Variants in C1QTNF3 observed in about 807,000 individuals in gnomAD.
C1QTNF3 encodes the protein complement C1q tumor necrosis factor-related protein 3.
Under a neutral mutation model 32.6 loss-of-function variants are expected in C1QTNF3, and 26 were observed. That is an observed-to-expected ratio of 0.80 (90% confidence interval 0.58 to 1.11). The LOEUF is 1.11. Ranked by LOEUF, C1QTNF3 falls within the 50% of genes least tolerant of loss-of-function variation. The pLI is 0.00. For missense variants in C1QTNF3, 362 were observed against 398.2 expected, an observed-to-expected ratio of 0.91 and a Z score of 0.77; for synonymous variants, 155 against 146.0, an observed-to-expected ratio of 1.06 and a Z score of -0.44.
At chr5:34,168,929 C>T in the C1QTNF3 span, 1 of 152,104 alleles carries the variant, frequency 6.6e-6, no homozygotes, top group Non-Finnish European at 1.5e-5. Context: ...AGGTGAAATC[C>T]TTTGGGAAAT....
At chr5:34,024,077 G>A (rs1164610893) in intron 4 of C1QTNF3, 69 bp from the exon 5 acceptor site, 2 of 1,210,060 alleles carry the variant, frequency 1.7e-6, no homozygotes, top group African/African-American at 3.0e-5. Context: ...GAGATACCTG[G>A]AGATTTGCCA....
the C1QTNF3 span, among the ~76,000 whole-genome samples, chr5:34,083,861 G>A: frequency 1.3e-5 from 2 of 151,750 alleles, no homozygotes; most frequent in Non-Finnish European, 2.9e-5. Flanking sequence ...TACAGATGAA[G>A]TCATTATATT....
the C1QTNF3 span, among the ~76,000 whole-genome samples, chr5:34,050,216 G>C: frequency 6.6e-6 from 1 of 152,128 alleles, no homozygotes; most frequent in Admixed American, 6.5e-5. Flanking sequence ...GCCTTCTTTA[G>C]GGTTCCATAG....
At chr5:34,082,774 G>A in the C1QTNF3 span, among the ~76,000 whole-genome samples, 2 of 151,622 alleles carry the variant, frequency 1.3e-5, no homozygotes, top group Non-Finnish European at 2.9e-5. Flanking sequence ...AGATGTAAAC[G>A]TAATTATACA....
At chr5:34,129,503 G>A in the C1QTNF3 span, among the ~76,000 whole-genome samples, 4 of 152,134 alleles carry the variant, frequency 2.6e-5, no homozygotes, top group South Asian at 8.3e-4. Context: ...GTAATTATTA[G>A]AGGCGATGGG....
chr5:34,045,234 C>T (rs578042737), upstream of C1QTNF3, among the ~76,000 whole-genome samples: 13 of 152,314 alleles, frequency 8.5e-5, no homozygotes, highest in South Asian at 1.4e-3. Context: ...GACTTTCTAC[C>T]GCATTGAGAC....
At chr5:34,024,223 T>G in intron 4 of C1QTNF3, 1 of 474,008 alleles carries the variant, frequency 2.1e-6, no homozygotes, top group Non-Finnish European at 3.9e-6. Context: ...CGAATAAGAC[T>G]TAAAAGTCTT....
chr5:34,237,599 A>AC, the C1QTNF3 span, among the ~76,000 whole-genome samples: 1 of 152,118 alleles, frequency 6.6e-6, no homozygotes, highest in Non-Finnish European at 1.5e-5. Context: ...AGGAAGCACC[A>AC]CCCCCACTGA....
chr5:34,242,290 T>C, the C1QTNF3 span, among the ~76,000 whole-genome samples: 2 of 152,166 alleles, frequency 1.3e-5, no homozygotes, highest in East Asian at 3.9e-4. Context: ...ACACTAACCA[T>C]GATACTGTTA....
chr5:34,123,375 C>T, the C1QTNF3 span, among the ~76,000 whole-genome samples: 2 of 152,142 alleles, frequency 1.3e-5, no homozygotes, highest in Non-Finnish European at 2.9e-5. Context: ...TCTACATCTA[C>T]ATAAACATAT....
At chr5:34,133,566 G>A in the C1QTNF3 span, among the ~76,000 whole-genome samples, 2 of 152,264 alleles carry the variant, frequency 1.3e-5, no homozygotes, top group Non-Finnish European at 1.5e-5. Context: ...GACATATAGA[G>A]CATTGGATTC....
At chr5:34,026,118 A>G (rs986800437) in intron 4 of C1QTNF3, among the ~76,000 whole-genome samples, 3 of 152,204 alleles carry the variant, frequency 2.0e-5, no homozygotes, top group African/African-American at 7.2e-5. Flanking sequence ...AAACCAAATA[A>G]ATATCCACGT....
the C1QTNF3 span, among the ~76,000 whole-genome samples, chr5:34,094,250 C>G: frequency 6.6e-6 from 1 of 152,104 alleles, no homozygotes; most frequent in African/African-American, 2.4e-5. Flanking sequence ...TGTCTGCTAG[C>G]AAAAACAACA....
chr5:34,215,893 A>G, the C1QTNF3 span, among the ~76,000 whole-genome samples: 4 of 152,172 alleles, frequency 2.6e-5, no homozygotes, highest in Non-Finnish European at 4.4e-5. Context: ...TTGGCCTCCC[A>G]AAGTGCAGGG....
the C1QTNF3 span, chr5:34,239,474 G>A: frequency 6.6e-6 from 1 of 152,006 alleles, no homozygotes; most frequent in African/African-American, 2.4e-5. Flanking sequence ...TAACAAAAAA[G>A]CAGGAGTAAC....
At chr5:34,214,598 G>A in the C1QTNF3 span, among the ~76,000 whole-genome samples, 9 of 151,984 alleles carry the variant, frequency 5.9e-5, no homozygotes, top group Middle Eastern at 3.2e-3. Context: ...TCTACAAAAT[G>A]TGGCATACAG....
chr5:34,221,017 G>A, the C1QTNF3 span, among the ~76,000 whole-genome samples: 1 of 152,122 alleles, frequency 6.6e-6, no homozygotes, highest in Non-Finnish European at 1.5e-5. Flanking sequence ...AAAGCTGAAG[G>A]CTGCTTTGTA....
chr5:34,135,466 A>G, the C1QTNF3 span, among the ~76,000 whole-genome samples: 11 of 152,070 alleles, frequency 7.2e-5, no homozygotes, highest in African/African-American at 2.7e-4. Flanking sequence ...CTCTTTTTCT[A>G]TTGATTGGAA....
chr5:34,050,397 T>C, the C1QTNF3 span, among the ~76,000 whole-genome samples: 2 of 152,252 alleles, frequency 1.3e-5, no homozygotes, highest in Non-Finnish European at 2.9e-5. Flanking sequence ...CTTGCTGTTA[T>C]GGTACATGTC....
Sources: gnomAD v4.1 joint callset for allele counts (sites outside exome capture counted in the v4.1 genomes callset) on GRCh38, gnomAD v4.1.1 for gene constraint, MANE v1.5 for transcripts, NCBI Gene and HGNC (gene_info 2026-07-23, HGNC 2026-07-21) for gene names.